KALRN: variants seen among roughly 807,000 people sequenced by gnomAD.
The protein encoded by KALRN is kalirin.
In KALRN, 70 loss-of-function variants were observed where a neutral mutation model predicts 353.7. That is an observed-to-expected ratio of 0.20 (90% CI 0.16 to 0.24). The LOEUF is 0.24. Among genes scored for constraint, KALRN ranks in the 10% least tolerant of loss-of-function variants. The pLI is 1.00. For missense variants in KALRN, 2,791 were observed against 3,756.7 expected (o/e 0.74, Z 6.72); for synonymous variants, 1,391 against 1,434.8 (o/e 0.97, Z 0.69).
rs1471585869 is a variant in KALRN, at chr3:124,692,686, G to T, written c.7378-1118G>T. On this transcript the variant is annotated intron_variant, in intron 51 of 59. Transcript: ENST00000682506. The stretch of plus-strand genomic sequence containing the variant: ...AATAGGTATTGAGTACCTGTTATTT[G>T]CCGGGCATTGTGCTAAGCACTTGAT... Among the ~76,000 whole-genome samples the T allele has an allele frequency of 2.0e-5, 3 of 152,216 alleles. 1 individual carries two copies. Among genetic ancestry groups the T allele is most frequent in the Non-Finnish European group, 4.4e-5 (3 of 68,040 alleles).
Position 124,719,523 on chromosome 3 carries a change from A to G in KALRN, c.*53A>G. ...TAGACGTGCAGTGTGAACCAAAGCA[A>G]GACTGAATGTGACTGTAAATAATTC... On this transcript the variant is annotated 3_prime_UTR_variant, in exon 60 of 60. Coordinates refer to ENST00000682506, the MANE Select transcript of KALRN (RefSeq NM_001388419.1). This position sits in a 1 kb window ranked among gnomAD's most constrained non-coding sequence, Gnocchi z 5.3. The G allele has an allele frequency of 6.7e-7, 1 of 1,484,986 alleles. No homozygotes were observed. The highest frequency in any genetic ancestry group is 1.2e-5 in the South Asian group (1 of 80,768). 92.0% of individuals were successfully genotyped at this position (1,484,986 alleles called of 1,614,324 possible). A position where few individuals can be genotyped will look rare whatever the true frequency, so the allele number is the denominator to read the frequency against.
At chr3:124,620,656 G>A (rs1030946462) in intron 34 of KALRN, among the ~76,000 whole-genome samples, 17 of 152,168 alleles carry the variant, frequency 1.1e-4, no homozygotes, top group African/African-American at 9.7e-5. Context: ...GAATTTTCTC[G>A]CCTTTAACTT....
chr3:124,339,089 T>G (rs984951007), intron 9 of KALRN, among the ~76,000 whole-genome samples: 24 of 152,238 alleles, frequency 1.6e-4, no homozygotes, highest in Admixed American at 3.3e-4. Flanking sequence ...TTAAGCATTC[T>G]GAAGTTCAAA....
intron 33 of KALRN, among the ~76,000 whole-genome samples, chr3:124,510,607 T>C (rs577252925): frequency 7.2e-5 from 11 of 152,306 alleles, no homozygotes; most frequent in African/African-American, 2.6e-4. Flanking sequence ...TTTCATTCTC[T>C]AGCCTCCAAA....
Position 124,699,975 on chromosome 3 carries a change from C to T in KALRN, c.7938C>T (p.Asn2646=). The T allele has an allele frequency of 1.9e-6, 3 of 1,614,138 alleles. No homozygotes were observed. The highest frequency in any genetic ancestry group is 1.7e-4 in the Middle Eastern group (1 of 6,060). The change falls in exon 56 of 60, where the codon AAC becomes AAT. Residue 2646 remains asparagine, a synonymous_variant. Coordinates refer to ENST00000682506, the MANE Select transcript of KALRN (RefSeq NM_001388419.1). ...ATCAGTTCAGAGTCAGTGCCAGTAA[C>T]CCCTGGGGAATCAGCCTTCCCAGCG... The part of the protein sequence containing the change: ...CPYQFRVSAS[N]PWGISLPSEP...
chr3:124,196,294 A>C (rs1282825459), intron 1 of KALRN, among the ~76,000 whole-genome samples: 2 of 152,132 alleles, frequency 1.3e-5, no homozygotes, highest in South Asian at 2.1e-4. Flanking sequence ...TCTGAAAAAA[A>C]GTGAGGTGCT....
intron 1 of KALRN, among the ~76,000 whole-genome samples, chr3:124,058,279 G>T (rs2041724881): frequency 6.6e-6 from 1 of 152,088 alleles, no homozygotes; most frequent in Non-Finnish European, 1.5e-5. Flanking sequence ...TAGCTTGATG[G>T]TCTTTAGATG....
intron 33 of KALRN, among the ~76,000 whole-genome samples, chr3:124,520,629 T>C (rs747013731): frequency 3.9e-5 from 6 of 152,106 alleles, no homozygotes; most frequent in Non-Finnish European, 8.8e-5. Flanking sequence ...GCCAGAAAGG[T>C]TGGGGACCAC....
chr3:124,602,025 CAAAAA>C (rs3058058), intron 34 of KALRN, among the ~76,000 whole-genome samples: 15 of 133,178 alleles, frequency 1.1e-4, no homozygotes, highest in Non-Finnish European at 1.1e-4. Context: ...GACTCTGTCT[CAAAAA>C]AAAAAAAAAA....
chr3:124,712,898 A>G (rs2150787441), intron 57 of KALRN, 37 bp from the exon 58 acceptor site: 1 of 1,460,640 alleles, frequency 6.8e-7, no homozygotes. Context: ...CTAGTTAATT[A>G]ATGAATGTTG....
At chr3:124,462,435 G>A in intron 24 of KALRN, 89 bp from the exon 25 acceptor site, 1 of 725,180 alleles carries the variant, frequency 1.4e-6, no homozygotes, top group South Asian at 1.7e-5. Context: ...TTTGAGTCTT[G>A]CCCCACAAGT....
intron 5 of KALRN, among the ~76,000 whole-genome samples, chr3:124,296,880 A>G (rs1277221088): frequency 6.6e-6 from 1 of 152,182 alleles, no homozygotes; most frequent in Non-Finnish European, 1.5e-5. Flanking sequence ...CTCCTCTGAG[A>G]AGCCTTCTCT....
chr3:124,213,969 A>G (rs1401889454), intron 1 of KALRN, among the ~76,000 whole-genome samples: 1 of 152,210 alleles, frequency 6.6e-6, no homozygotes, highest in Non-Finnish European at 1.5e-5. Context: ...TTTTAAGTGT[A>G]TGAATATTTT....
At chr3:124,633,259 G>A (rs899384364) in intron 35 of KALRN, among the ~76,000 whole-genome samples, 1 of 152,212 alleles carries the variant, frequency 6.6e-6, no homozygotes, top group Admixed American at 6.5e-5. Context: ...GAAAACTAAT[G>A]AACGCCCATA....
chr3:124,096,003 C>G (rs1332649934), intron 1 of KALRN: 2 of 151,886 alleles, frequency 1.3e-5, no homozygotes, highest in African/African-American at 4.8e-5. Flanking sequence ...ATGGAGGAAA[C>G]CAAACCAGCA....
chr3:124,120,423 T>G (rs1233552539), intron 1 of KALRN, among the ~76,000 whole-genome samples: 1 of 152,132 alleles, frequency 6.6e-6, no homozygotes, highest in Non-Finnish European at 1.5e-5. Flanking sequence ...ACACAGTGCT[T>G]TGGTCAGAGA....
chr3:124,721,388 C>T lies in KALRN; in HGVS notation c.*1918C>T, dbSNP rs2063352533. The T allele has an allele frequency of 6.6e-6, 1 of 152,174 alleles. No homozygotes were observed. The highest frequency in any genetic ancestry group is 6.5e-5 in the Admixed American group (1 of 15,270). The allele number at this position is 152,174 out of a possible 1,614,324, so 9.4% of individuals were successfully genotyped here. On this transcript the variant is annotated 3_prime_UTR_variant, in exon 60 of 60. Transcript: ENST00000682506. ...GGCCCTGGGTCATAAAGCCTCACTC[C>T]CTCAGAGGTCTCTCGACTAACCCCT...
chr3:124,048,360 A>C (rs1354542579), intron 1 of KALRN, among the ~76,000 whole-genome samples: 1 of 152,202 alleles, frequency 6.6e-6, no homozygotes. Flanking sequence ...ATACATCTTT[A>C]TACAAATGGA....
chr3:124,491,218 TC>T, intron 30 of KALRN, 104 bp from the exon 31 acceptor site: 1 of 673,622 alleles, frequency 1.5e-6, no homozygotes, highest in Non-Finnish European at 2.4e-6. Context: ...CAGAAGCCCC[TC>T]CCTCGGTCCT....
Sources: gnomAD v4.1 joint callset for allele counts (sites outside exome capture counted in the v4.1 genomes callset) on GRCh38, gnomAD v4.1.1 for gene constraint, Gnocchi (gnomAD v3.1) non-coding constraint, MANE v1.5 for transcripts, NCBI Gene and HGNC (gene_info 2026-07-23, HGNC 2026-07-21) for gene names.